Variants in WWOX observed in about 807,000 individuals in gnomAD.
WWOX encodes the protein WW domain containing oxidoreductase.
Under a neutral mutation model 46.2 loss-of-function variants are expected in WWOX, and 69 were observed. The ratio of observed to expected loss-of-function variants is 1.49; its 90% confidence interval spans 1.23 to 1.82. WWOX has a LOEUF of 1.82. Ranked by LOEUF, WWOX falls within the 40% of genes most tolerant of loss-of-function variation. The pLI, the probability that WWOX is intolerant of heterozygous loss-of-function variation, is 0.00. For synonymous variants in WWOX, 359 were observed against 202.6 expected (o/e 1.77, Z -6.56); for missense variants, 919 against 542.6 (o/e 1.69, Z -6.89).
chr16:78,912,709 T>C (rs1214772930), intron 8 of WWOX, among the ~76,000 whole-genome samples: 1 of 151,990 alleles, frequency 6.6e-6, no homozygotes, highest in East Asian at 1.9e-4. Context: ...CTCATAAAAC[T>C]TTATGGTCTT....
intron 8 of WWOX, among the ~76,000 whole-genome samples, chr16:78,956,456 G>A (rs1003079418): frequency 6.6e-5 from 10 of 152,048 alleles, no homozygotes; most frequent in African/African-American, 2.4e-4. Flanking sequence ...CTCTAGGCCT[G>A]TATTTGTTTT....
chr16:79,193,861 G>C (rs560561762), intron 8 of WWOX, among the ~76,000 whole-genome samples: 2 of 152,148 alleles, frequency 1.3e-5, no homozygotes, highest in Non-Finnish European at 2.9e-5. Flanking sequence ...ACAAGAGAAG[G>C]CCCCAGTAAC....
chr16:78,462,545 C>A (rs1249103175), intron 8 of WWOX, among the ~76,000 whole-genome samples: 2 of 152,190 alleles, frequency 1.3e-5, no homozygotes, highest in Non-Finnish European at 2.9e-5. Flanking sequence ...CTTACCTCTT[C>A]AGTGTCTGCA....
intron 8 of WWOX, among the ~76,000 whole-genome samples, chr16:78,932,051 A>G (rs1323373077): frequency 2.6e-5 from 4 of 152,236 alleles, no homozygotes; most frequent in African/African-American, 9.6e-5. Context: ...TTTCCCAGCC[A>G]TGTGGAACTG....
intron 6 of WWOX, among the ~76,000 whole-genome samples, chr16:78,414,592 A>C (rs2082757106): frequency 6.6e-6 from 1 of 152,158 alleles, no homozygotes; most frequent in African/African-American, 2.4e-5. Context: ...AAAAAGCAAA[A>C]ATCTGAAAAG....
chr16:78,320,477 T>A (rs1017051144), intron 5 of WWOX, among the ~76,000 whole-genome samples: 3 of 152,198 alleles, frequency 2.0e-5, no homozygotes, highest in Non-Finnish European at 2.9e-5. Context: ...AGAAATAGTT[T>A]GGTTAATTCA....
chr16:78,159,279 A>C (rs980421937), intron 4 of WWOX, among the ~76,000 whole-genome samples: 1 of 152,142 alleles, frequency 6.6e-6, no homozygotes, highest in African/African-American at 2.4e-5. Flanking sequence ...GAGGGCAGAC[A>C]TATTGTTGTG....
rs112565569 is a variant in WWOX at position 78,871,079 on chromosome 16, T to C, written c.1057-340529T>C. ...TTTTTAAATTATCCCCTATAGCTCA[T>C]AGAAGCAATTCAGTAAATACTTGTT... On this transcript the variant is annotated intron_variant, in intron 8 of 8. Transcript: ENST00000566780. 9.6e-4 allele frequency among the ~76,000 whole-genome samples: 146 copies of C among 152,166 alleles called. 1 individual carries two copies. The highest frequency in any genetic ancestry group is 3.4e-3 in the African/African-American group (142 of 41,514).
intron 8 of WWOX, among the ~76,000 whole-genome samples, chr16:78,591,050 G>C (rs1292380835): frequency 6.6e-6 from 1 of 152,184 alleles, no homozygotes; most frequent in Non-Finnish European, 1.5e-5. Context: ...ATCTGCCCTA[G>C]TCTGAAGTAC....
In WWOX at chr16:78,874,877, C is replaced by G. The variant is rs561117015; in HGVS notation, c.1057-336731C>G. 6.1e-4 allele frequency among the ~76,000 whole-genome samples: 92 copies of G among 152,008 alleles called. 2 individuals carry two copies. The South Asian group carries it at 0.017, about 29-fold the overall frequency. ...TCCTACAGCAAGTGGTAAATGATCC[C>G]TCAGATAGGCCCAAGAGCTCCCCTT... is the stretch of plus-strand genomic sequence containing the variant. On this transcript the variant is annotated intron_variant, in intron 8 of 8. Transcript: ENST00000566780.
Position 78,844,588 on chromosome 16 carries a change from G to T in WWOX, c.1057-367020G>T, listed in dbSNP as rs150035186. Among the ~76,000 whole-genome samples, 519 of 152,312 alleles carry T rather than the reference G, an allele frequency of 3.4e-3. 4 individuals are homozygous for T. Among genetic ancestry groups the T allele is most frequent in the East Asian group, 0.022 (114 of 5,174 alleles). ...AGGGAAAATGGCAACAGCACATGTG[G>T]AGGGAAAGACCGCAGAATTCTGGCA... On this transcript the variant is annotated intron_variant, in intron 8 of 8. Coordinates refer to ENST00000566780, the MANE Select transcript of WWOX (RefSeq NM_016373.4).
chr16:78,516,009 C>G (rs1475665260), intron 8 of WWOX, among the ~76,000 whole-genome samples: 4 of 152,100 alleles, frequency 2.6e-5, no homozygotes, highest in African/African-American at 9.7e-5. Context: ...TTTCTCTTCT[C>G]TCCCCTTCCC....
At chr16:78,420,227 C>T (rs745741359) in intron 6 of WWOX, among the ~76,000 whole-genome samples, 1 of 152,012 alleles carries the variant, frequency 6.6e-6, no homozygotes, top group Non-Finnish European at 1.5e-5. Context: ...AAAAGTTAAA[C>T]ATTGAATTAC....
At chr16:78,176,310 C>A (rs918561417) in intron 5 of WWOX, among the ~76,000 whole-genome samples, 2 of 152,136 alleles carry the variant, frequency 1.3e-5, no homozygotes, top group African/African-American at 2.4e-5. Flanking sequence ...TAACCCCTGT[C>A]CCTCTTTTTA....
intron 8 of WWOX, among the ~76,000 whole-genome samples, chr16:78,750,401 G>C (rs955228776): frequency 2.0e-5 from 3 of 152,178 alleles, no homozygotes; most frequent in African/African-American, 7.2e-5. Flanking sequence ...CAGGAAGTGT[G>C]AGTTGGCTTA....
intron 7 of WWOX, among the ~76,000 whole-genome samples, chr16:78,430,414 T>A (rs763650309): frequency 4.6e-5 from 7 of 152,186 alleles, no homozygotes; most frequent in Non-Finnish European, 8.8e-5. Context: ...AAATAGTTGT[T>A]GCACTACCCA....
intron 8 of WWOX, among the ~76,000 whole-genome samples, chr16:78,877,432 A>G (rs532312458): frequency 4.9e-4 from 75 of 152,214 alleles, no homozygotes; most frequent in Admixed American, 1.2e-3. Context: ...TCTTCCACGT[A>G]GCACCATGAG....
intron 8 of WWOX, among the ~76,000 whole-genome samples, chr16:79,151,927 G>A (rs16949716): frequency 0.047 from 7,181 of 152,266 alleles, 571 homozygotes; most frequent in African/African-American, 0.17. Context: ...AATATCACAT[G>A]TAAATAGCCG....
chr16:79,122,343 G>T (rs1277512966), intron 8 of WWOX, among the ~76,000 whole-genome samples: 1 of 152,136 alleles, frequency 6.6e-6, no homozygotes, highest in Non-Finnish European at 1.5e-5. Flanking sequence ...CCCTTACCCT[G>T]GCTATTGGAA....
Sources: allele counts gnomAD v4.1 joint callset (sites outside exome capture counted in the v4.1 genomes callset), GRCh38; gene constraint gnomAD v4.1.1; transcripts MANE v1.5; gene names NCBI Gene and HGNC (gene_info 2026-07-23, HGNC 2026-07-21).